Variants in CLEC16A observed in about 807,000 individuals in gnomAD.
CLEC16A encodes C-type lectin domain containing 16A, also known as protein CLEC16A.
In CLEC16A, 51 loss-of-function variants were observed where a neutral mutation model predicts 109.5. The observed-to-expected ratio is 0.47, with a 90% CI of 0.37 to 0.59. CLEC16A has a LOEUF of 0.59. CLEC16A is among the 20% of genes least tolerant of loss of function. The probability of loss-of-function intolerance (pLI) is 0.00; values close to 1 mark genes in which losing one functional copy is unlikely to be tolerated. For missense variants in CLEC16A, 1,339 were observed against 1,394.0 expected, an observed-to-expected ratio of 0.96 and a Z score of 0.63; for synonymous variants, 673 against 564.2, an observed-to-expected ratio of 1.19 and a Z score of -2.73.
intron 19 of CLEC16A, among the ~76,000 whole-genome samples, chr16:11,078,022 T>G (rs2049488254): frequency 6.6e-6 from 1 of 150,592 alleles, no homozygotes; most frequent in Non-Finnish European, 1.5e-5. Flanking sequence ...TAGAGAAATG[T>G]ACAGAATACT....
At chr16:11,060,777 G>C in intron 18 of CLEC16A, 125 bp from the exon 19 acceptor site, 2 of 1,003,760 alleles carry the variant, frequency 2.0e-6, no homozygotes, top group Admixed American at 5.8e-5. Flanking sequence ...CACCCGAAGA[G>C]GTGGGCTTTA....
intron 10 of CLEC16A, among the ~76,000 whole-genome samples, chr16:10,995,278 G>A (rs1052000161): frequency 6.6e-6 from 1 of 152,212 alleles, no homozygotes; most frequent in African/African-American, 2.4e-5. Context: ...TAGAGGAGAA[G>A]GTAGGAAGCA....
intron 19 of CLEC16A, among the ~76,000 whole-genome samples, chr16:11,077,486 A>AG (rs1379637189): frequency 6.0e-5 from 9 of 151,210 alleles, no homozygotes; most frequent in Admixed American, 3.9e-4. Flanking sequence ...AAAAAAAAAA[A>AG]AAAGAAAGAA....
chr16:10,996,711 A>C (rs887842006), intron 10 of CLEC16A, among the ~76,000 whole-genome samples: 1 of 151,936 alleles, frequency 6.6e-6, no homozygotes, highest in Non-Finnish European at 1.5e-5. Flanking sequence ...TAAATGCAGG[A>C]TTCACCAGGA....
chr16:11,013,808 G>A (rs1008429924), intron 11 of CLEC16A, among the ~76,000 whole-genome samples: 7 of 151,560 alleles, frequency 4.6e-5, no homozygotes, highest in East Asian at 3.9e-4. Context: ...GCATGGTGGC[G>A]TACACCTGTA....
chr16:11,000,076 G>A (rs1241535986), intron 10 of CLEC16A, among the ~76,000 whole-genome samples: 1 of 152,170 alleles, frequency 6.6e-6, no homozygotes, highest in Admixed American at 6.5e-5. Flanking sequence ...GACCTCAGGT[G>A]ATCCACCTGC....
At position 11,156,613 on chromosome 16, in the gene CLEC16A, C is replaced by T. The variant is rs1272039816; in HGVS notation, c.2642-9775C>T. 9.2e-6 allele frequency: 12 copies of T among 1,304,132 alleles called. No individual in the cohort carries two copies. In the South Asian group the frequency reaches 1.1e-4, roughly 12 times the overall value. 80.8% of individuals were successfully genotyped at this position (1,304,132 alleles called of 1,614,324 possible). A position where few individuals can be genotyped will look rare whatever the true frequency, so the allele number is the denominator to read the frequency against. ...GCAGTAGAGAGGCAGCCCAGATGGC[C>T]GCTCCCAAGCTTGCTAGTGCCTTGG... On this transcript the variant is annotated intron_variant, in intron 22 of 23. Coordinates refer to ENST00000409790, the MANE Select transcript of CLEC16A (RefSeq NM_015226.3).
At chr16:11,117,923 C>T (rs1471996032) in intron 19 of CLEC16A, among the ~76,000 whole-genome samples, 2 of 152,066 alleles carry the variant, frequency 1.3e-5, no homozygotes, top group Non-Finnish European at 2.9e-5. Flanking sequence ...ATTTCCAAGT[C>T]AAGGGTAGAC....
At chr16:11,094,279 G>A (rs1441524703) in intron 19 of CLEC16A, among the ~76,000 whole-genome samples, 1 of 152,220 alleles carries the variant, frequency 6.6e-6, no homozygotes, top group Non-Finnish European at 1.5e-5. Flanking sequence ...GGTAACATGA[G>A]TCAGGGGTTC....
intron 19 of CLEC16A, among the ~76,000 whole-genome samples, chr16:11,111,836 G>A (rs1313288240): frequency 6.6e-6 from 1 of 152,106 alleles, no homozygotes. Flanking sequence ...TCCATTCATG[G>A]TAATGATATG....
At chr16:11,040,525 T>G in intron 14 of CLEC16A, 1 of 144,278 alleles carries the variant, frequency 6.9e-6, no homozygotes, top group Non-Finnish European at 1.5e-5. Context: ...TTTTTTTTTT[T>G]TTTTTGAGAT....
chr16:11,160,998 T>A (rs2054703731), intron 22 of CLEC16A, among the ~76,000 whole-genome samples: 1 of 152,248 alleles, frequency 6.6e-6, no homozygotes, highest in Admixed American at 6.5e-5. Flanking sequence ...TGGCCACGAC[T>A]AGCTTCTGGG....
chr16:11,077,053 C>G (rs1173572057), intron 19 of CLEC16A, among the ~76,000 whole-genome samples: 2 of 152,198 alleles, frequency 1.3e-5, no homozygotes, highest in African/African-American at 4.8e-5. Flanking sequence ...TATTTAAAAA[C>G]AAAGAGCAGG....
chr16:11,047,459 A>G (rs982206650), intron 17 of CLEC16A, 117 bp downstream of exon 17: 6 of 561,188 alleles, frequency 1.1e-5, no homozygotes, highest in African/African-American at 7.8e-5. Flanking sequence ...AATAGCACAG[A>G]TTGATGGGGA....
chr16:11,077,116 G>A (rs1312709843), intron 19 of CLEC16A, among the ~76,000 whole-genome samples: 1 of 152,012 alleles, frequency 6.6e-6, no homozygotes, highest in African/African-American at 2.4e-5. Context: ...AGGCTGAGGC[G>A]GGAGGATCAC....
intron 22 of CLEC16A, among the ~76,000 whole-genome samples, chr16:11,139,281 G>C (rs779067598): frequency 3.9e-5 from 6 of 152,218 alleles, no homozygotes; most frequent in Non-Finnish European, 8.8e-5. Flanking sequence ...GGAGACACCA[G>C]TGGGTTCTGT....
Position 10,944,615 on chromosome 16 carries a change from C to T in CLEC16A, c.-103C>T, listed in dbSNP as rs1411715374. The stretch of plus-strand genomic sequence containing the variant: ...AGGCGGCTCGCGGTTCCTCCACCGC[C>T]TCCGCCGCCGCATCCTCCGCTTGTG... On this transcript the variant is annotated 5_prime_UTR_variant, in exon 1 of 24. Coordinates refer to ENST00000409790, the MANE Select transcript of CLEC16A (RefSeq NM_015226.3). 12 of 1,155,924 alleles carry T rather than the reference C, an allele frequency of 1.0e-5. No homozygotes were observed. The highest frequency in any genetic ancestry group is 7.7e-5 in the African/African-American group (5 of 64,946). 71.6% of individuals were successfully genotyped at this position (1,155,924 alleles called of 1,614,324 possible).
At chr16:11,161,838 A>C (rs1279236570) in intron 22 of CLEC16A, among the ~76,000 whole-genome samples, 2 of 152,222 alleles carry the variant, frequency 1.3e-5, no homozygotes, top group African/African-American at 4.8e-5. Flanking sequence ...TGGTACCTCC[A>C]ACAAACACAC....
At chr16:11,041,454 T>G (rs2047330830) in intron 14 of CLEC16A, 1 of 152,208 alleles carries the variant, frequency 6.6e-6, no homozygotes, top group Non-Finnish European at 1.5e-5. Context: ...GCTCAAACAG[T>G]ATTTTTCTAC....
Sources: allele counts gnomAD v4.1 joint callset (sites outside exome capture counted in the v4.1 genomes callset), GRCh38; gene constraint gnomAD v4.1.1; transcripts MANE v1.5; gene names NCBI Gene and HGNC (gene_info 2026-07-23, HGNC 2026-07-21).